Variants in PTPRO observed in about 807,000 individuals in gnomAD.
PTPRO encodes the protein receptor-type tyrosine-protein phosphatase O.
In PTPRO, 62 loss-of-function variants were observed where a neutral mutation model predicts 145.2. That is an observed-to-expected ratio of 0.43 (90% confidence interval 0.35 to 0.53). The LOEUF is 0.53. PTPRO is among the 20% of genes least tolerant of loss of function. The pLI, the probability that PTPRO is intolerant of heterozygous loss-of-function variation, is 0.01. For missense variants in PTPRO, 1,345 were observed against 1,482.7 expected (o/e 0.91, Z 1.53); for synonymous variants, 565 against 514.7 (o/e 1.10, Z -1.32).
chr12:15,438,017 G>A (rs891517829), intron 1 of PTPRO, among the ~76,000 whole-genome samples: 10 of 152,170 alleles, frequency 6.6e-5, no homozygotes, highest in Non-Finnish European at 1.3e-4. Flanking sequence ...TTTGACCACA[G>A]CTGGCTGTTA....
chr12:15,355,616 C>T (rs1162700353), intron 1 of PTPRO, among the ~76,000 whole-genome samples: 2 of 152,144 alleles, frequency 1.3e-5, no homozygotes, highest in African/African-American at 2.4e-5. Context: ...TCTTTCTCCT[C>T]ATCTGAAATG....
intron 8 of PTPRO, among the ~76,000 whole-genome samples, chr12:15,516,140 G>A (rs943703381): frequency 2.0e-5 from 3 of 151,214 alleles, no homozygotes; most frequent in Admixed American, 6.6e-5. Context: ...ACAGGTACAT[G>A]CCACCATGCC....
chr12:15,548,280 A>G (rs1226680076), intron 13 of PTPRO, among the ~76,000 whole-genome samples: 1 of 152,192 alleles, frequency 6.6e-6, no homozygotes, highest in Non-Finnish European at 1.5e-5. Flanking sequence ...TTGCAAATGT[A>G]TGGTACTGGA....
chr12:15,565,721 C>T lies in PTPRO; in HGVS notation c.2747+93C>T, dbSNP rs535547863. 106 of 983,036 alleles carry T rather than the reference C, an allele frequency of 1.1e-4. No individual in the cohort carries two copies. In the African/African-American group the frequency reaches 1.3e-3, roughly 12 times the overall value. 60.9% of individuals were successfully genotyped at this position (983,036 alleles called of 1,614,324 possible). On this transcript the variant is annotated intron_variant, in intron 18 of 26. Transcript: ENST00000281171. ...ATTGCTTGTCTTCAAAGAGAAGGGACGCTTAAGAAAGAGGCAAATGCATAT... is the reference window on the plus strand; with the variant it reads ...ATTGCTTGTCTTCAAAGAGAAGGGATGCTTAAGAAAGAGGCAAATGCATAT...
chr12:15,475,900 C>CT (rs958180848), intron 1 of PTPRO, among the ~76,000 whole-genome samples: 2 of 152,150 alleles, frequency 1.3e-5, no homozygotes, highest in African/African-American at 4.8e-5. Context: ...TATGATTACT[C>CT]TTTCTTTTCC....
At chr12:15,449,597 T>C (rs1180610352) in intron 1 of PTPRO, among the ~76,000 whole-genome samples, 1 of 152,200 alleles carries the variant, frequency 6.6e-6, no homozygotes, top group African/African-American at 2.4e-5. Flanking sequence ...GCTCTTACTA[T>C]AGAAATAAAA....
chr12:15,436,889 G>T (rs1480414247), intron 1 of PTPRO, among the ~76,000 whole-genome samples: 1 of 152,164 alleles, frequency 6.6e-6, no homozygotes, highest in African/African-American at 2.4e-5. Flanking sequence ...AGCTGCTACA[G>T]TTGCGGTTTC....
chr12:15,589,634 G>GA (rs1944505409), intron 25 of PTPRO, 44 bp downstream of exon 25: 3 of 1,607,388 alleles, frequency 1.9e-6, no homozygotes, highest in Non-Finnish European at 2.6e-6. Context: ...TCCCTGGACT[G>GA]AAAAACTTAC....
chr12:15,491,914 C>T (rs1942006733), intron 2 of PTPRO, among the ~76,000 whole-genome samples: 1 of 152,030 alleles, frequency 6.6e-6, no homozygotes, highest in Admixed American at 6.6e-5. Flanking sequence ...AGCCTCTCTG[C>T]TTACAGCAAA....
intron 1 of PTPRO, among the ~76,000 whole-genome samples, chr12:15,414,548 C>G (rs1011778185): frequency 5.3e-5 from 8 of 152,170 alleles, no homozygotes; most frequent in African/African-American, 1.7e-4. Flanking sequence ...TTGAGCACTT[C>G]TGTTTGTTTT....
rs1380136625 is a variant in PTPRO at position 15,514,466 on chromosome 12, A to G, written c.1465-1032A>G. ...GACTCTGTCTCAAAAAAAAAAAAAA[A>G]AAAAAAAGAAAGAACAGTAAAGAAG... On this transcript the variant is annotated intron_variant, in intron 7 of 26. Transcript: ENST00000281171. 7.4e-5 allele frequency among the ~76,000 whole-genome samples: 11 copies of G among 148,786 alleles called. No individual in the cohort carries two copies. In the South Asian group the frequency reaches 1.5e-3, roughly 20 times the overall value.
In PTPRO at chr12:15,331,962, CTT is replaced by C. The variant is rs200334215; in HGVS notation, c.75+9180_75+9181del. ...GTATCCTTTTTGTTTCTCTTTCTTTCTTTTTTTTTTTTTTTTTTTTGACAGAG... is the reference window on the plus strand; with the variant it reads ...GTATCCTTTTTGTTTCTCTTTCTTTCTTTTTTTTTTTTTTTTTTGACAGAG... On this transcript the variant is annotated intron_variant, in intron 1 of 26. Transcript: ENST00000281171. Among the ~76,000 whole-genome samples, 703 of 118,230 alleles carry C rather than the reference CTT, an allele frequency of 5.9e-3. 2 individuals carry two copies. The highest frequency in any genetic ancestry group is 0.021 in the African/African-American group (669 of 32,608). 77.6% of individuals were successfully genotyped at this position (118,230 alleles called of 152,430 possible).
intron 15 of PTPRO, among the ~76,000 whole-genome samples, chr12:15,555,099 G>A (rs533624333): frequency 7.2e-4 from 109 of 152,100 alleles, no homozygotes; most frequent in African/African-American, 2.5e-3. Flanking sequence ...TTAGCCAGGC[G>A]TGGTGGCGGG....
At chr12:15,555,526 A>T (rs1394598833) in intron 15 of PTPRO, among the ~76,000 whole-genome samples, 1 of 152,220 alleles carries the variant, frequency 6.6e-6, no homozygotes, top group Non-Finnish European at 1.5e-5. Context: ...AGGAGCATTA[A>T]CGCAGTAATA....
At chr12:15,580,497 T>C (rs1944286912) in intron 21 of PTPRO, among the ~76,000 whole-genome samples, 200 bp from the exon 22 acceptor site, 1 of 152,250 alleles carries the variant, frequency 6.6e-6, no homozygotes, top group South Asian at 2.1e-4. Context: ...TGGATAACAA[T>C]GCTTACAATC....
intron 1 of PTPRO, among the ~76,000 whole-genome samples, chr12:15,480,516 C>A (rs1183340701): frequency 6.6e-6 from 1 of 152,100 alleles, no homozygotes. Flanking sequence ...CTGACCTCCC[C>A]ATGCATGGCT....
At chr12:15,357,730 G>T (rs2136238646) in intron 1 of PTPRO, among the ~76,000 whole-genome samples, 1 of 151,358 alleles carries the variant, frequency 6.6e-6, no homozygotes, top group South Asian at 2.1e-4. Context: ...AAAAAGTCAG[G>T]AAACAACAGG....
At position 15,598,020 on chromosome 12, in the gene PTPRO, A is replaced by G. The variant is rs1403738259; in HGVS notation, c.*1947A>G. Among the ~76,000 whole-genome samples the G allele has an allele frequency of 6.6e-6, 1 of 152,162 alleles. No homozygotes were observed. The highest frequency in any genetic ancestry group is 1.5e-5 in the Non-Finnish European group (1 of 68,020). On this transcript the variant is annotated 3_prime_UTR_variant, in exon 27 of 27. Transcript: ENST00000281171. ...AGCATACAGAAGTTTTGCATCCTGG[A>G]ACATTGCTTCCCATGAAACAAAGCA...
intron 1 of PTPRO, among the ~76,000 whole-genome samples, chr12:15,436,379 A>G (rs572097987): frequency 2.0e-5 from 3 of 152,218 alleles, no homozygotes; most frequent in African/African-American, 7.2e-5. Flanking sequence ...TTTCTTTTTT[A>G]TTATTACATA....
Sources: gnomAD v4.1 joint callset for allele counts (sites outside exome capture counted in the v4.1 genomes callset) on GRCh38, gnomAD v4.1.1 for gene constraint, MANE v1.5 for transcripts, NCBI Gene and HGNC (gene_info 2026-07-23, HGNC 2026-07-21) for gene names.